TAF4B: variants seen among roughly 807,000 people sequenced by gnomAD.
The protein encoded by TAF4B is transcription initiation factor TFIID subunit 4B.
In TAF4B, 38 loss-of-function variants were observed where a neutral mutation model predicts 86.4. That is an observed-to-expected ratio of 0.44 (90% CI 0.34 to 0.58). The LOEUF is 0.58. TAF4B is among the 20% of genes least tolerant of loss of function. TAF4B has a pLI of 0.02. For missense variants in TAF4B, 988 were observed against 1,027.6 expected (o/e 0.96, Z 0.53); for synonymous variants, 388 against 391.2 (o/e 0.99, Z 0.10).
chr18:26,255,736 G>C (rs1160374122), intron 1 of TAF4B: 2 of 1,596,670 alleles, frequency 1.3e-6, no homozygotes, highest in Admixed American at 1.7e-5. Flanking sequence ...TGTGGCCCCT[G>C]CTCCTCTGGC....
intron 13 of TAF4B, among the ~76,000 whole-genome samples, chr18:26,346,036 A>G (rs1201245123): frequency 6.6e-6 from 1 of 152,050 alleles, no homozygotes; most frequent in African/African-American, 2.4e-5. Flanking sequence ...TGTTTGGAGC[A>G]TAGCTCACTG....
At chr18:26,302,854 TTTTTTA>T (rs1314385776) in intron 9 of TAF4B, among the ~76,000 whole-genome samples, 1 of 152,090 alleles carries the variant, frequency 6.6e-6, no homozygotes, top group African/African-American at 2.4e-5. Context: ...ATCTTCTCTT[TTTTTTA>T]ATCTTTCTTT....
chr18:26,367,456 C>T (rs185463848), intron 14 of TAF4B, among the ~76,000 whole-genome samples: 1 of 152,268 alleles, frequency 6.6e-6, no homozygotes, highest in Non-Finnish European at 1.5e-5. Context: ...AATGCATGTA[C>T]GAGCTCTAGA....
intron 10 of TAF4B, among the ~76,000 whole-genome samples, chr18:26,315,921 G>A (rs1273061008): frequency 6.6e-6 from 1 of 152,062 alleles, no homozygotes; most frequent in East Asian, 1.9e-4. Context: ...AAGAAAACAC[G>A]GCCAGACACG....
chr18:26,363,245 G>T (rs1434598825), intron 14 of TAF4B, among the ~76,000 whole-genome samples: 1 of 151,756 alleles, frequency 6.6e-6, no homozygotes, highest in Non-Finnish European at 1.5e-5. Context: ...TTTTATTCAT[G>T]GTGTTTTAAC....
At chr18:26,322,697 T>C (rs2056972710) in intron 11 of TAF4B, among the ~76,000 whole-genome samples, 1 of 152,100 alleles carries the variant, frequency 6.6e-6, no homozygotes, top group Admixed American at 6.5e-5. Context: ...AACCAACTTT[T>C]GGTTTTATTA....
At chr18:26,269,523 G>C (rs530207247) in intron 3 of TAF4B, among the ~76,000 whole-genome samples, 172 of 152,188 alleles carry the variant, frequency 1.1e-3, no homozygotes, top group African/African-American at 4.0e-3. Context: ...GCATCTTCTT[G>C]GAGCCTGCTA....
intron 10 of TAF4B, among the ~76,000 whole-genome samples, chr18:26,318,090 T>C (rs1220479341): frequency 6.6e-6 from 1 of 152,198 alleles, no homozygotes; most frequent in Non-Finnish European, 1.5e-5. Flanking sequence ...TGGAGTACAG[T>C]GGTGCTATCA....
chr18:26,262,861 A>G (rs1198174001), intron 1 of TAF4B, among the ~76,000 whole-genome samples: 1 of 152,224 alleles, frequency 6.6e-6, no homozygotes, highest in African/African-American at 2.4e-5. Context: ...ACAGAGTTGT[A>G]GAGATCCTCT....
At chr18:26,234,030 G>A (rs1350893892) in intron 1 of TAF4B, among the ~76,000 whole-genome samples, 1 of 152,202 alleles carries the variant, frequency 6.6e-6, no homozygotes, top group Non-Finnish European at 1.5e-5. Context: ...AGGGTCTTAA[G>A]TATTTTCCAC....
At chr18:26,374,900 G>C (rs959783533) in intron 14 of TAF4B, among the ~76,000 whole-genome samples, 1 of 152,104 alleles carries the variant, frequency 6.6e-6, no homozygotes, top group African/African-American at 2.4e-5. Flanking sequence ...GGCTTATCAG[G>C]TGTGTGCCAA....
chr18:26,326,686 G>A (rs1251579790), intron 11 of TAF4B, among the ~76,000 whole-genome samples: 1 of 152,068 alleles, frequency 6.6e-6, no homozygotes, highest in Admixed American at 6.5e-5. Context: ...TTGGTGAATG[G>A]GGCACTCTTT....
chr18:26,242,149 T>C (rs2055849292), intron 1 of TAF4B, among the ~76,000 whole-genome samples: 1 of 152,196 alleles, frequency 6.6e-6, no homozygotes. Flanking sequence ...TTGTTAACTT[T>C]CTGTCTCGTT....
intron 7 of TAF4B, among the ~76,000 whole-genome samples, chr18:26,291,534 T>C (rs769341665): frequency 6.6e-6 from 1 of 151,710 alleles, no homozygotes; most frequent in Non-Finnish European, 1.5e-5. Context: ...TAGTGAAACC[T>C]AGTCTCTACT....
chr18:26,274,982 A>T lies in TAF4B; in HGVS notation c.811A>T (p.Lys271Ter). Residue 271 changes from lysine (K) to a stop codon, truncating the protein, a stop_gained, in exon 5 of 15, where the codon AAA (lysine) becomes TAA (stop). Transcript: ENST00000269142. LOFTEE classifies it high-confidence loss of function. ...KCKNFLAMLI[K>*]LACSGSQSPE... Reference sequence around the variant, plus strand: ...CAAGAACTTCCTTGCAATGTTAATAAAACTAGCATGTAGTGGATCACAGTC... The same window carrying T: ...CAAGAACTTCCTTGCAATGTTAATATAACTAGCATGTAGTGGATCACAGTC... 6.2e-7 allele frequency: 1 copy of T among 1,613,120 alleles called. No homozygotes were observed. Among genetic ancestry groups the T allele is most frequent in the Non-Finnish European group, 8.5e-7 (1 of 1,179,808 alleles).
At position 26,270,648 on chromosome 18, in the gene TAF4B, T is replaced by G. The variant is rs557022681; in HGVS notation, c.597+3025T>G. On this transcript the variant is annotated intron_variant, in intron 3 of 14. Transcript: ENST00000269142. ...AGTAGTTTTTATAAAAGAGACAACCTGGAGCCTGTGAATTCAGGTGAAGGG... is the reference window on the plus strand; with the variant it reads ...AGTAGTTTTTATAAAAGAGACAACCGGGAGCCTGTGAATTCAGGTGAAGGG... Among the ~76,000 whole-genome samples the G allele has an allele frequency of 1.9e-3, 291 of 152,312 alleles. 2 individuals are homozygous for G. The highest frequency in any genetic ancestry group is 6.8e-3 in the African/African-American group (284 of 41,556).
At position 26,335,286 on chromosome 18, in the gene TAF4B, T is replaced by C. The variant is rs116529924; in HGVS notation, c.2316+55T>C. The C allele has an allele frequency of 1.3e-3, 1,977 of 1,486,046 alleles. 22 individuals are homozygous for C. In the African/African-American group the frequency reaches 0.024, roughly 18 times the overall value. 92.1% of individuals were successfully genotyped at this position (1,486,046 alleles called of 1,614,324 possible). A position where few individuals can be genotyped will look rare whatever the true frequency, so the allele number is the denominator to read the frequency against. ...TTGTGTTTGAGGGAAGGTTGGCAGC[T>C]CTCTCCTGGCAATTAGGTCAGGGTT... is the stretch of plus-strand genomic sequence containing the variant. On this transcript the variant is annotated intron_variant, in intron 13 of 14. Coordinates refer to ENST00000269142, the MANE Select transcript of TAF4B (RefSeq NM_005640.3).
At chr18:26,269,824 AT>A (rs1303899154) in intron 3 of TAF4B, among the ~76,000 whole-genome samples, 1 of 152,144 alleles carries the variant, frequency 6.6e-6, no homozygotes, top group African/African-American at 2.4e-5. Flanking sequence ...CAGAGTGAGG[AT>A]TTGAGCCTTT....
At chr18:26,333,694 A>G (rs1327597579) in intron 12 of TAF4B, among the ~76,000 whole-genome samples, 1 of 152,116 alleles carries the variant, frequency 6.6e-6, no homozygotes, top group Non-Finnish European at 1.5e-5. Context: ...TAGCCTATTT[A>G]ATTTCCTTTT....
Sources: allele counts gnomAD v4.1 joint callset (sites outside exome capture counted in the v4.1 genomes callset), GRCh38; gene constraint gnomAD v4.1.1; transcripts MANE v1.5; gene names NCBI Gene and HGNC (gene_info 2026-07-23, HGNC 2026-07-21).